Variants in MRC1 observed in about 807,000 individuals in gnomAD.
MRC1 encodes the protein mannose receptor C-type 1.
MRC1 carries 62 observed loss-of-function variants against 102.9 expected under a neutral mutation model. The observed-to-expected ratio is 0.60, with a 90% CI of 0.49 to 0.74. The LOEUF (loss-of-function observed/expected upper bound fraction) is 0.74, where lower values mean the gene tolerates loss of function less well. Among genes scored for constraint, MRC1 ranks in the 30% least tolerant of loss-of-function variants. The probability of loss-of-function intolerance (pLI) is 0.00; values close to 1 mark genes in which losing one functional copy is unlikely to be tolerated. For missense variants in MRC1, 1,237 were observed against 862.8 expected (o/e 1.43, Z -5.43); for synonymous variants, 457 against 298.4 (o/e 1.53, Z -5.48).
rs1012725690 is a variant in MRC1, at chr10:17,869,723, A to G, written c.1984-523A>G. Among the ~76,000 whole-genome samples, 65 of 152,334 alleles carry G rather than the reference A, an allele frequency of 4.3e-4. No individual in the cohort carries two copies. The South Asian group carries it at 4.6e-3, about 11-fold the overall frequency. On this transcript the variant is annotated intron_variant, in intron 12 of 29. Coordinates refer to ENST00000569591, the MANE Select transcript of MRC1 (RefSeq NM_002438.4). ...TTGTTAAGATGTACAACCATAATGAAAAATACAAGGCGGTATTGAAGGACA... is the reference window on the plus strand; with the variant it reads ...TTGTTAAGATGTACAACCATAATGAGAAATACAAGGCGGTATTGAAGGACA...
At chr10:17,826,928 T>A (rs1838484930) in intron 2 of MRC1, among the ~76,000 whole-genome samples, 2 of 152,314 alleles carry the variant, frequency 1.3e-5, no homozygotes, top group Non-Finnish European at 2.9e-5. Flanking sequence ...GGAACTCAGG[T>A]GAAGGCTGGC....
intron 17 of MRC1, among the ~76,000 whole-genome samples, chr10:17,877,372 A>G (rs1347156463): frequency 6.7e-6 from 1 of 149,124 alleles, no homozygotes; most frequent in Non-Finnish European, 1.5e-5. Flanking sequence ...ATTTTATATT[A>G]TACATATCAA....
At position 17,840,793 on chromosome 10, in the gene MRC1, G is replaced by C; in HGVS notation, c.903G>C (p.Leu301Phe). ...GTGACCGCAGTCCTTTCCGATATTT[G>C]AACTGGTTACCAGGTAGGGTTAAGC... ...QWSDRSPFRY[L>F]NWLPGSPSAE... The change falls in exon 5 of 30, where the codon TTG (leucine) becomes TTC (phenylalanine). Residue 301 changes from leucine to phenylalanine, a missense_variant. Leu to Phe is a conservative substitution (Grantham distance 22). Transcript: ENST00000569591. 1.3e-6 allele frequency: 1 copy of C among 780,834 alleles called. No individual in the cohort carries two copies. The highest frequency in any genetic ancestry group is 2.4e-6 in the Non-Finnish European group (1 of 417,934). The allele number at this position is 780,834 out of a possible 1,614,324, so 48.4% of individuals were successfully genotyped here. A position where few individuals can be genotyped will look rare whatever the true frequency, so the allele number is the denominator to read the frequency against.
intron 16 of MRC1, among the ~76,000 whole-genome samples, chr10:17,874,688 A>C (rs1004596048): frequency 2.0e-5 from 3 of 148,612 alleles, no homozygotes; most frequent in Non-Finnish European, 4.5e-5. Flanking sequence ...ATCTATTCGA[A>C]GTTTTGCTTT....
At chr10:17,878,716 GCAGTGGGGTGATCA>G (rs1205043237) in intron 18 of MRC1, among the ~76,000 whole-genome samples, 1 of 152,052 alleles carries the variant, frequency 6.6e-6, no homozygotes, top group African/African-American at 2.4e-5. Context: ...AGGCTGGAGT[GCAGTGGGGTGATCA>G]CAGCTCACTA....
rs1833956210 is a variant in MRC1 at position 17,910,600 on chromosome 10, T to C, written c.*135T>C. 4.2e-6 allele frequency: 3 copies of C among 718,848 alleles called. No individual in the cohort carries two copies. The highest frequency in any genetic ancestry group is 7.6e-6 in the Non-Finnish European group (3 of 392,572). The allele number at this position is 718,848 out of a possible 1,614,324, so 44.5% of individuals were successfully genotyped here. On this transcript the variant is annotated 3_prime_UTR_variant, in exon 30 of 30. Transcript: ENST00000569591. The stretch of plus-strand genomic sequence containing the variant: ...GTCTGTCCTTTTTTCCTTTGCCTAA[T>C]TGAAGAAATAATTGCTTGTTTTCTA...
chr10:17,870,207 C>T (rs1589186943), intron 12 of MRC1, 39 bp from the exon 13 acceptor site: 5 of 764,188 alleles, frequency 6.5e-6, no homozygotes, highest in East Asian at 2.4e-5. Flanking sequence ...TGATAAACTA[C>T]AAAGCATAAA....
chr10:17,910,098 CAA>C lies in MRC1; in HGVS notation c.4121-115_4121-114del. On this transcript the variant is annotated intron_variant, in intron 29 of 29. Coordinates refer to ENST00000569591, the MANE Select transcript of MRC1 (RefSeq NM_002438.4). ...TTTCACATCTTTCTTTTCTGTTTGA[CAA>C]ATGTCGCTTGAAAGAATATTTATGC... The C allele has an allele frequency of 4.0e-6, 3 of 753,024 alleles. No individual in the cohort carries two copies. The Admixed American group carries it at 5.5e-5, about 14-fold the overall frequency. 46.6% of individuals were successfully genotyped at this position (753,024 alleles called of 1,614,324 possible).
At chr10:17,839,927 G>C (rs925970725) in intron 4 of MRC1, among the ~76,000 whole-genome samples, 2 of 151,702 alleles carry the variant, frequency 1.3e-5, no homozygotes, top group African/African-American at 2.4e-5. Flanking sequence ...TTAGCCAGGC[G>C]TGGTGGCGGT....
At chr10:17,815,951 C>T (rs1217426075) in intron 1 of MRC1, among the ~76,000 whole-genome samples, 2 of 152,180 alleles carry the variant, frequency 1.3e-5, no homozygotes, top group African/African-American at 2.4e-5. Flanking sequence ...CTCAGCCCCC[C>T]ATAGCTGGGA....
chr10:17,842,923 A>G (rs1051709613), intron 5 of MRC1, among the ~76,000 whole-genome samples: 1 of 152,342 alleles, frequency 6.6e-6, no homozygotes, highest in South Asian at 2.1e-4. Context: ...GCGAAATAGT[A>G]TGAGAGTTTC....
chr10:17,875,900 CT>C (rs1364760769), intron 17 of MRC1, among the ~76,000 whole-genome samples: 1 of 152,178 alleles, frequency 6.6e-6, no homozygotes, highest in Non-Finnish European at 1.5e-5. Context: ...AAAATGTTTC[CT>C]TTTCACCACA....
chr10:17,905,227 A>T (rs1833880160), intron 26 of MRC1, among the ~76,000 whole-genome samples: 1 of 152,206 alleles, frequency 6.6e-6, no homozygotes, highest in South Asian at 2.1e-4. Flanking sequence ...AGGCTACAGC[A>T]GAACTGGAAA....
intron 1 of MRC1, among the ~76,000 whole-genome samples, chr10:17,817,119 A>G (rs905920203): frequency 6.6e-6 from 1 of 151,968 alleles, no homozygotes; most frequent in African/African-American, 2.4e-5. Flanking sequence ...GTGTGGTGGC[A>G]CATGCCTATA....
intron 4 of MRC1, among the ~76,000 whole-genome samples, chr10:17,839,981 G>A (rs1340614431): frequency 4.0e-5 from 6 of 148,200 alleles, no homozygotes; most frequent in African/African-American, 7.5e-5. Context: ...CAGGAGAATC[G>A]CTTGAACCCG....
intron 4 of MRC1, among the ~76,000 whole-genome samples, chr10:17,837,742 A>C (rs1461144513): frequency 2.6e-5 from 4 of 151,964 alleles, no homozygotes; most frequent in Non-Finnish European, 5.9e-5. Flanking sequence ...CTGGGGCTAC[A>C]GGCATGTGCC....
intron 2 of MRC1, among the ~76,000 whole-genome samples, chr10:17,826,422 C>G (rs1838476689): frequency 6.6e-6 from 1 of 152,158 alleles, no homozygotes; most frequent in African/African-American, 2.4e-5. Flanking sequence ...AGGCTGATCT[C>G]AATTCCTGAC....
At chr10:17,846,898 C>G (rs1838833887) in intron 6 of MRC1, among the ~76,000 whole-genome samples, 2 of 152,134 alleles carry the variant, frequency 1.3e-5, no homozygotes, top group African/African-American at 4.8e-5. Flanking sequence ...AGGTAAATAA[C>G]TATATACATT....
At chr10:17,908,491 G>C (rs1216658467) in intron 28 of MRC1, among the ~76,000 whole-genome samples, 1 of 151,562 alleles carries the variant, frequency 6.6e-6, no homozygotes, top group African/African-American at 2.4e-5. Flanking sequence ...TTTAGAATTT[G>C]GCGGGTCTTT....
Sources: allele counts gnomAD v4.1 joint callset (sites outside exome capture counted in the v4.1 genomes callset), GRCh38; gene constraint gnomAD v4.1.1; transcripts MANE v1.5; gene names NCBI Gene and HGNC (gene_info 2026-07-23, HGNC 2026-07-21).